Variants in CLEC20A observed in about 807,000 individuals in gnomAD.
CLEC20A encodes putative C-type lectin domain family 20 member A.
chr1:178,491,553 C>T (rs183224308), intron 3 of CLEC20A, among the ~76,000 whole-genome samples: 1 of 152,230 alleles, frequency 6.6e-6, no homozygotes, highest in East Asian at 1.9e-4. Flanking sequence ...AAGTTGGTGT[C>T]ATTAGCCTCA....
At chr1:178,486,704 G>C (rs1263309666) in intron 5 of CLEC20A, 5 of 398,626 alleles carry the variant, frequency 1.3e-5, no homozygotes. Context: ...GCGGAGGCCA[G>C]AAGAGTCGCA....
At chr1:178,490,286 G>A (rs1388085309) in exon 4 of CLEC20A, 2 of 398,588 alleles carry the variant, frequency 5.0e-6, no homozygotes, top group African/African-American at 4.1e-5. Context: ...TCTCACTCAT[G>A]ATGGATCTCA....
At chr1:178,485,689 G>A (rs114425992) in intron 5 of CLEC20A, among the ~76,000 whole-genome samples, 79 of 152,222 alleles carry the variant, frequency 5.2e-4, no homozygotes, top group African/African-American at 1.8e-3. Flanking sequence ...TGCTCATCTT[G>A]GTATCCACAG....
At chr1:178,497,155 T>C (rs1001020593), upstream of CLEC20A, 6 of 394,236 alleles carry the variant, frequency 1.5e-5, no homozygotes, top group Non-Finnish European at 2.2e-5. Flanking sequence ...GTGCTGGAGA[T>C]GCGGCCTGGA....
chr1:178,493,238 G>A (rs1029911351), intron 2 of CLEC20A, among the ~76,000 whole-genome samples: 2 of 152,094 alleles, frequency 1.3e-5, no homozygotes, highest in Non-Finnish European at 2.9e-5. Context: ...AGGCCTCCTG[G>A]TCCCAGGCAC....
At chr1:178,494,771 A>G (rs1273128736) in exon 2 of CLEC20A, 1 of 399,136 alleles carries the variant, frequency 2.5e-6, no homozygotes, top group Non-Finnish European at 4.4e-6. Context: ...CGCCTCCTTC[A>G]CCAGAACCAA....
upstream of CLEC20A, among the ~76,000 whole-genome samples, chr1:178,497,950 T>C (rs1279589412): frequency 1.3e-5 from 2 of 151,632 alleles, no homozygotes; most frequent in Admixed American, 1.3e-4. Context: ...AAAGGAAGGA[T>C]GGGGAAGAAG....
chr1:178,492,850 A>G (rs2101875539), intron 2 of CLEC20A, among the ~76,000 whole-genome samples: 1 of 152,338 alleles, frequency 6.6e-6, no homozygotes, highest in South Asian at 2.1e-4. Context: ...GAGCTGCCCA[A>G]GCACAGCCAC....
chr1:178,490,243 T>G (rs1649239540), exon 4 of CLEC20A: 4 of 398,680 alleles, frequency 1.0e-5, no homozygotes, highest in Non-Finnish European at 1.8e-5. Flanking sequence ...GATCCGGAGT[T>G]TGCATTGAGG....
At chr1:178,494,351 G>A (rs1427189330) in intron 2 of CLEC20A, 103 bp downstream of exon 2, 1 of 397,922 alleles carries the variant, frequency 2.5e-6, no homozygotes, top group Non-Finnish European at 4.4e-6. Context: ...CCCAGGAGTT[G>A]GAGGTTACAG....
chr1:178,490,105 A>G (rs1007524760), exon 4 of CLEC20A: 13 of 398,808 alleles, frequency 3.3e-5, no homozygotes, highest in Non-Finnish European at 5.3e-5. Flanking sequence ...AGGGAAGAGC[A>G]GTTCACTGAG....
intron 1 of CLEC20A, chr1:178,496,090 A>G (rs1649381583): frequency 6.6e-6 from 1 of 152,236 alleles, no homozygotes; most frequent in Non-Finnish European, 1.5e-5. Context: ...TGTCACTGAG[A>G]AAAGCATTCT....
intron 4 of CLEC20A, among the ~76,000 whole-genome samples, chr1:178,488,913 G>A (rs1275123942): frequency 1.3e-5 from 2 of 152,198 alleles, no homozygotes; most frequent in Non-Finnish European, 2.9e-5. Context: ...ATAGGTTTGT[G>A]GTTGCCGGTG....
chr1:178,484,838 G>A (rs1325045601), intron 5 of CLEC20A, among the ~76,000 whole-genome samples: 1 of 152,176 alleles, frequency 6.6e-6, no homozygotes. Context: ...TCAATTCGCT[G>A]TCATGTCCCT....
Position 178,482,519 on chromosome 1 carries a change from GAAGA to G in CLEC20A, c.1037-126_1037-123del, listed in dbSNP as rs1649016723. ...ACATGTTGATTTGGGATTTCAAGAA[GAAGA>G]AAGAAACTGCTGAGCAGAAGAATGC... On this transcript the variant is annotated intron_variant, in intron 6 of 7. Coordinates refer to ENST00000623247, the Ensembl canonical transcript of CLEC20A. 1.0e-5 allele frequency: 4 copies of G among 396,476 alleles called. No individual in the cohort carries two copies. The East Asian group carries it at 1.1e-4, about 11-fold the overall frequency. 24.6% of individuals were successfully genotyped at this position (396,476 alleles called of 1,614,324 possible).
chr1:178,496,638 C>T (rs963498082), intron 1 of CLEC20A: 2 of 390,270 alleles, frequency 5.1e-6, no homozygotes, highest in Non-Finnish European at 9.0e-6. Flanking sequence ...TGTCTTAGCC[C>T]CGCTAGAAAG....
At chr1:178,494,787 T>C in exon 2 of CLEC20A, 1 of 399,324 alleles carries the variant, frequency 2.5e-6, no homozygotes, top group Non-Finnish European at 4.4e-6. Flanking sequence ...ACCAAGTCCC[T>C]CTTACTGCTC....
At position 178,487,128 on chromosome 1, in the gene CLEC20A, G is replaced by A. The variant is rs939433541; in HGVS notation, c.928+1373C>T. Reference sequence around the variant, plus strand: ...CTCCCAAAGCCGAGGGCAAGAAGGAGTGGCTTCGCGCGCTGGCTCCCCGGG... The same window carrying A: ...CTCCCAAAGCCGAGGGCAAGAAGGAATGGCTTCGCGCGCTGGCTCCCCGGG... On this transcript the variant is annotated intron_variant, in intron 5 of 7. Transcript: ENST00000623247. 5.9e-5 allele frequency among the ~76,000 whole-genome samples: 9 copies of A among 152,332 alleles called. No individual in the cohort carries two copies. In the East Asian group the frequency reaches 1.7e-3, roughly 29 times the overall value.
intron 6 of CLEC20A, 25 bp from the exon 7 acceptor site, chr1:178,482,422 C>G (rs747841029): frequency 4.0e-5 from 16 of 398,382 alleles, no homozygotes; most frequent in African/African-American, 6.2e-5. Context: ...GCTACCTGTT[C>G]AGGGGGATAT....
Sources: allele counts gnomAD v4.1 joint callset (sites outside exome capture counted in the v4.1 genomes callset), GRCh38; gene constraint gnomAD v4.1.1; transcripts MANE v1.5; gene names NCBI Gene and HGNC (gene_info 2026-07-23, HGNC 2026-07-21).